COL8A1: variants seen among roughly 807,000 people sequenced by gnomAD.
The protein encoded by COL8A1 is collagen alpha-1(VIII) chain.
Under a neutral mutation model 42.7 loss-of-function variants are expected in COL8A1, and 21 were observed. The observed-to-expected ratio is 0.49, with a 90% CI of 0.35 to 0.71. The LOEUF is 0.71. Among genes scored for constraint, COL8A1 ranks in the 30% least tolerant of loss-of-function variants. The pLI, the probability that COL8A1 is intolerant of heterozygous loss-of-function variation, is 0.01. For synonymous variants in COL8A1, 367 were observed against 369.1 expected (o/e 0.99, Z 0.06); for missense variants, 788 against 962.4 (o/e 0.82, Z 2.40).
intron 1 of COL8A1, among the ~76,000 whole-genome samples, chr3:99,730,425 G>T (rs1215417614): frequency 2.0e-5 from 3 of 152,054 alleles, no homozygotes; most frequent in African/African-American, 7.2e-5. Flanking sequence ...ATCTGTAAAT[G>T]ACAATTTAGA....
chr3:99,776,481 A>C (rs1941694847), intron 2 of COL8A1, among the ~76,000 whole-genome samples: 4 of 152,182 alleles, frequency 2.6e-5, no homozygotes, highest in Admixed American at 2.6e-4. Context: ...TGTGGTCATG[A>C]GCTCAGGGGA....
At chr3:99,759,744 C>T (rs920547084) in intron 2 of COL8A1, among the ~76,000 whole-genome samples, 4 of 152,098 alleles carry the variant, frequency 2.6e-5, no homozygotes, top group African/African-American at 9.7e-5. Flanking sequence ...TTGTTTCAAC[C>T]GTAAAAAGAA....
At chr3:99,755,183 C>T (rs2107417999) in intron 2 of COL8A1, among the ~76,000 whole-genome samples, 1 of 152,232 alleles carries the variant, frequency 6.6e-6, no homozygotes, top group Admixed American at 6.5e-5. Context: ...AGCAAAGAAA[C>T]TTTAAACAAC....
chr3:99,714,992 G>A (rs1939956216), intron 1 of COL8A1, among the ~76,000 whole-genome samples: 1 of 152,096 alleles, frequency 6.6e-6, no homozygotes, highest in South Asian at 2.1e-4. Flanking sequence ...GGAGCAATAA[G>A]CTTGGTGTGT....
intron 1 of COL8A1, among the ~76,000 whole-genome samples, chr3:99,656,127 G>T (rs141472679): frequency 6.6e-6 from 1 of 152,188 alleles, no homozygotes; most frequent in African/African-American, 2.4e-5. Context: ...TATATCAAAA[G>T]AAGTATATTT....
At chr3:99,678,660 A>G (rs1003851311) in intron 1 of COL8A1, 3 of 152,090 alleles carry the variant, frequency 2.0e-5, no homozygotes, top group South Asian at 4.1e-4. Context: ...TATAAAAAAA[A>G]ATCCATGACA....
At chr3:99,663,047 T>C (rs2107303554) in intron 1 of COL8A1, among the ~76,000 whole-genome samples, 1 of 152,306 alleles carries the variant, frequency 6.6e-6, no homozygotes, top group East Asian at 1.9e-4. Context: ...GGATATTTGA[T>C]CACAAGTCCT....
intron 1 of COL8A1, among the ~76,000 whole-genome samples, chr3:99,642,901 C>G (rs1396440398): frequency 6.6e-6 from 1 of 152,120 alleles, no homozygotes; most frequent in Non-Finnish European, 1.5e-5. Context: ...TGCTACTTGC[C>G]TCCAACAGAA....
At chr3:99,682,794 A>G (rs1717608) in intron 1 of COL8A1, among the ~76,000 whole-genome samples, 42,345 of 152,002 alleles carry the variant, frequency 0.28, 7,091 homozygotes, top group East Asian at 0.48. Context: ...TCAGAAATTC[A>G]ATGGTAAATA....
At chr3:99,640,826 G>A (rs922631420) in intron 1 of COL8A1, among the ~76,000 whole-genome samples, 2 of 152,132 alleles carry the variant, frequency 1.3e-5, no homozygotes, top group Non-Finnish European at 2.9e-5. Context: ...CCTTCTGCAT[G>A]GGATGTGGAT....
chr3:99,716,123 T>G (rs1355410575), intron 1 of COL8A1, among the ~76,000 whole-genome samples: 1 of 152,048 alleles, frequency 6.6e-6, no homozygotes, highest in Non-Finnish European at 1.5e-5. Flanking sequence ...GTGCACCACA[T>G]CTCAGTTTGC....
rs1942058663 is a variant in COL8A1, at chr3:99,794,254, G to A, written c.353G>A (p.Gly118Glu). The change falls in exon 4 of 4, where the codon GGG becomes GAG. Residue 118 changes from glycine to glutamate, a missense_variant. Transcript: ENST00000652472. This position sits in a 1 kb window ranked among gnomAD's most constrained non-coding sequence, Gnocchi z 4.3. Reference protein sequence around the residue: ...GKEIPLASLRGEQGPRGEPGP... With the variant: ...GKEIPLASLREEQGPRGEPGP... The stretch of plus-strand genomic sequence containing the variant: ...GAAATACCATTAGCCAGTTTACGAG[G>A]GGAACAAGGTCCCCGTGGAGAGCCT... 1 of 1,593,422 alleles carries A rather than the reference G, an allele frequency of 6.3e-7. No individual in the cohort carries two copies.
intron 3 of COL8A1, among the ~76,000 whole-genome samples, chr3:99,792,442 C>G (rs1005004594): frequency 1.3e-5 from 2 of 152,152 alleles, no homozygotes; most frequent in African/African-American, 4.8e-5. Flanking sequence ...TCCATGTTAT[C>G]CATTAGTCCC....
intron 2 of COL8A1, among the ~76,000 whole-genome samples, chr3:99,763,916 C>G (rs937595669): frequency 6.6e-6 from 1 of 152,196 alleles, no homozygotes; most frequent in Admixed American, 6.5e-5. Flanking sequence ...GATCTACCAC[C>G]CAAGGACTAG....
intron 1 of COL8A1, among the ~76,000 whole-genome samples, chr3:99,639,364 T>A (rs561482115): frequency 1.3e-5 from 2 of 152,338 alleles, no homozygotes; most frequent in Admixed American, 6.5e-5. Context: ...CTTCATGAAT[T>A]TCTGTACACA....
intron 3 of COL8A1, among the ~76,000 whole-genome samples, chr3:99,792,288 G>T (rs1343599693): frequency 2.0e-5 from 3 of 152,116 alleles, no homozygotes; most frequent in Non-Finnish European, 4.4e-5. Context: ...TACTCTGATG[G>T]ATCCTCATAT....
chr3:99,671,328 G>T (rs1938537160), intron 1 of COL8A1, among the ~76,000 whole-genome samples: 1 of 151,848 alleles, frequency 6.6e-6, no homozygotes, highest in Non-Finnish European at 1.5e-5. Context: ...AAAACTTAAT[G>T]CTCTTGATGT....
At chr3:99,646,044 C>A (rs758234312) in intron 1 of COL8A1, among the ~76,000 whole-genome samples, 7 of 152,128 alleles carry the variant, frequency 4.6e-5, no homozygotes, top group Admixed American at 4.6e-4. Flanking sequence ...GGGTCCAGAA[C>A]CTGCTCCCCT....
chr3:99,663,128 A>G (rs1459293967), intron 1 of COL8A1, among the ~76,000 whole-genome samples: 4 of 151,870 alleles, frequency 2.6e-5, no homozygotes, highest in Admixed American at 2.6e-4. Flanking sequence ...ATTATAGCCC[A>G]CTCCTTACTT....
Sources: allele counts gnomAD v4.1 joint callset (sites outside exome capture counted in the v4.1 genomes callset), GRCh38; gene constraint gnomAD v4.1.1; non-coding constraint Gnocchi (gnomAD v3.1); transcripts MANE v1.5; gene names NCBI Gene and HGNC (gene_info 2026-07-23, HGNC 2026-07-21).